TNNT2: variants seen among roughly 807,000 people sequenced by gnomAD.
TNNT2 encodes the protein troponin T, cardiac muscle.
A neutral mutation model predicts 62.4 loss-of-function variants in TNNT2; 34 were observed. That is an observed-to-expected ratio of 0.54 (90% CI 0.41 to 0.72). The LOEUF is 0.72. TNNT2 is among the 30% of genes least tolerant of loss of function. TNNT2 has a pLI of 0.00. For synonymous variants in TNNT2, 123 were observed against 127.2 expected, an observed-to-expected ratio of 0.97 and a Z score of 0.22; for missense variants, 275 against 381.9, an observed-to-expected ratio of 0.72 and a Z score of 2.33.
At chr1:201,360,624 G>A (rs1658437508) in intron 15 of TNNT2, 2 of 155,198 alleles carry the variant, frequency 1.3e-5, no homozygotes, top group South Asian at 2.0e-4. Context: ...TCTTGCCCAG[G>A]GAGGAGTGGT....
At chr1:201,364,253 G>A (rs756378508) in intron 11 of TNNT2, 45 bp downstream of exon 11, 1 of 1,585,648 alleles carries the variant, frequency 6.3e-7, no homozygotes, top group Non-Finnish European at 8.6e-7. Context: ...AGCAGGAGCT[G>A]GGAGCATGGG....
At chr1:201,365,853 A>G (rs1266739652) in intron 8 of TNNT2, 183 bp from the exon 9 acceptor site, 2 of 1,488,014 alleles carry the variant, frequency 1.3e-6, no homozygotes, top group Non-Finnish European at 1.8e-6. Context: ...GCACCTGGGA[A>G]TACACAAAGC....
At chr1:201,368,911 G>A (rs1660151786) in intron 5 of TNNT2, among the ~76,000 whole-genome samples, 1 of 152,234 alleles carries the variant, frequency 6.6e-6, no homozygotes. Flanking sequence ...CATCGTGGGA[G>A]AAGGGTTGGC....
At chr1:201,360,837 A>T (rs572780380) in intron 15 of TNNT2, 14 of 301,578 alleles carry the variant, frequency 4.6e-5, no homozygotes, top group African/African-American at 3.0e-4. Context: ...TAGTGCACAT[A>T]GGACTCCGAA....
At chr1:201,369,262 C>G (rs1660204994) in intron 5 of TNNT2, 1 of 471,918 alleles carries the variant, frequency 2.1e-6, no homozygotes. Context: ...AAATTAAGCC[C>G]TGGTCTCACT....
At chr1:201,377,101 T>C (rs12036092) in intron 1 of TNNT2, among the ~76,000 whole-genome samples, 43 of 152,292 alleles carry the variant, frequency 2.8e-4, no homozygotes, top group East Asian at 2.7e-3. Flanking sequence ...TCTGAGTTCC[T>C]AGCCTTGAGA....
rs147940106 is a variant in TNNT2 at position 201,359,224 on chromosome 1, C to G, written c.883G>C (p.Gly295Arg). 2 of 1,610,718 alleles carry G rather than the reference C, an allele frequency of 1.2e-6. No homozygotes were observed. The highest frequency in any genetic ancestry group is 1.1e-5 in the South Asian group (1 of 89,642). Residue 295 changes from glycine (G) to arginine (R), a missense_variant, in exon 17 of 17, where the codon GGG (glycine) becomes CGG (arginine). Coordinates refer to ENST00000656932, the MANE Select transcript of TNNT2 (RefSeq NM_001276345.2). Reference protein sequence around the residue: ...SKTRGKAKVTGRWK With the variant: ...SKTRGKAKVTRRWK Reference sequence around the variant, plus strand: ...GAGGCCAGGCTCTATTTCCAGCGCCCGGTGACTTTAGCCTTCCCGCGGGTC... The same window carrying G: ...GAGGCCAGGCTCTATTTCCAGCGCCGGGTGACTTTAGCCTTCCCGCGGGTC...
rs369645817 is a variant in TNNT2 at position 201,361,271 on chromosome 1, C to T, written c.810+8G>A. The T allele has an allele frequency of 8.1e-6, 13 of 1,613,552 alleles. No homozygotes were observed. The highest frequency in any genetic ancestry group is 8.0e-5 in the African/African-American group (6 of 74,868). ...GAGATGCTGGGCGGGGACAGCATGG[C>T]GGCCCACCTCATATTTCTGCTGCTT... On this transcript the variant is annotated splice_region_variant and intron_variant, in intron 15 of 16. Transcript: ENST00000656932.
At chr1:201,368,326 G>T in intron 5 of TNNT2, 99 bp from the exon 6 acceptor site, 1 of 1,223,264 alleles carries the variant, frequency 8.2e-7, no homozygotes, top group East Asian at 2.4e-5. Context: ...GGGGATGGGG[G>T]TCAAGACGTC....
chr1:201,375,056 T>C (rs1292290431), intron 1 of TNNT2: 1 of 152,354 alleles, frequency 6.6e-6, no homozygotes. Flanking sequence ...CAGAGGCACA[T>C]AGACAGTCCT....
intron 8 of TNNT2, chr1:201,365,924 A>C: frequency 1.5e-6 from 2 of 1,333,076 alleles, no homozygotes; most frequent in Non-Finnish European, 2.0e-6. Context: ...GGTACCGTTA[A>C]TCTCACTTAG....
intron 11 of TNNT2, 70 bp downstream of exon 11, chr1:201,364,228 G>T: frequency 6.8e-7 from 1 of 1,463,356 alleles, no homozygotes; most frequent in South Asian, 1.2e-5. Context: ...TGAATAGAGA[G>T]GGGCCTGGGG....
Position 201,364,395 on chromosome 1 carries a change from C to G in TNNT2, c.412-20G>C. 6.2e-7 allele frequency: 1 copy of G among 1,610,502 alleles called. No homozygotes were observed. Among genetic ancestry groups the G allele is most frequent in the Middle Eastern group, 1.7e-4 (1 of 6,060 alleles). On this transcript the variant is annotated intron_variant, in intron 10 of 16. Coordinates refer to ENST00000656932, the MANE Select transcript of TNNT2 (RefSeq NM_001276345.2). Reference sequence around the variant, plus strand: ...TCTCTCCTAAGGAGAAGAGGCAAAGCCCACCCAGGTGTGCATAGGGAGAAG... The same window carrying G: ...TCTCTCCTAAGGAGAAGAGGCAAAGGCCACCCAGGTGTGCATAGGGAGAAG...
intron 6 of TNNT2, 125 bp downstream of exon 6, chr1:201,368,037 T>A: frequency 9.3e-7 from 1 of 1,077,464 alleles, no homozygotes; most frequent in Non-Finnish European, 1.4e-6. Context: ...GGTTGAATCT[T>A]AGTCAATAGG....
intron 5 of TNNT2, chr1:201,368,546 T>C (rs1660100695): frequency 2.1e-6 from 1 of 483,802 alleles, no homozygotes; most frequent in East Asian, 5.8e-5. Flanking sequence ...AGCCGAGGTG[T>C]CCAGAAGCTC....
rs1660568612 is a variant in TNNT2 at position 201,371,252 on chromosome 1, C to A, written c.67+775G>T. ...GAGGACTGGAGTGAAGCCTCTGAGT[C>A]ATTTCCATGTGCCAAGCTCTCAGGA... On this transcript the variant is annotated intron_variant, in intron 4 of 16. Transcript: ENST00000656932. 3.3e-5 allele frequency among the ~76,000 whole-genome samples: 5 copies of A among 152,166 alleles called. No homozygotes were observed. In the South Asian group the frequency reaches 1.0e-3, roughly 32 times the overall value.
intron 1 of TNNT2, chr1:201,375,458 C>G (rs79833614): frequency 6.6e-6 from 1 of 152,086 alleles, no homozygotes; most frequent in Non-Finnish European, 1.5e-5. Flanking sequence ...TTGCCCCAAC[C>G]CCCAGGGTGG....
intron 8 of TNNT2, 83 bp from the exon 9 acceptor site, chr1:201,365,753 C>A (rs781626877): frequency 1.0e-5 from 16 of 1,575,660 alleles, no homozygotes; most frequent in Non-Finnish European, 1.4e-5. Flanking sequence ...GGCCCTGATC[C>A]TTCCTAGAGA....
chr1:201,359,911 G>A (rs1185344529), intron 15 of TNNT2, among the ~76,000 whole-genome samples: 1 of 152,176 alleles, frequency 6.6e-6, no homozygotes, highest in African/African-American at 2.4e-5. Flanking sequence ...GCCATAATAG[G>A]TTCAGGATAT....
Sources: allele counts gnomAD v4.1 joint callset (sites outside exome capture counted in the v4.1 genomes callset), GRCh38; gene constraint gnomAD v4.1.1; transcripts MANE v1.5; gene names NCBI Gene and HGNC (gene_info 2026-07-23, HGNC 2026-07-21).